DOK6: variants seen among roughly 807,000 people sequenced by gnomAD.
The protein encoded by DOK6 is docking protein 6, also known as downstream of tyrosine kinase 6.
A neutral mutation model predicts 44.0 loss-of-function variants in DOK6; 22 were observed. The observed-to-expected ratio is 0.50, with a 90% confidence interval of 0.36 to 0.71. DOK6 has a LOEUF of 0.71. DOK6 is among the 30% of genes least tolerant of loss of function. DOK6 has a pLI of 0.00. For synonymous variants in DOK6, 166 were observed against 145.5 expected (o/e 1.14, Z -1.01); for missense variants, 340 against 416.4 (o/e 0.82, Z 1.60).
In DOK6 at chr18:69,845,338, CAT is replaced by C. The variant is rs760977086; in HGVS notation, c.*3956_*3957del. On this transcript the variant is annotated 3_prime_UTR_variant, in exon 8 of 8. Coordinates refer to ENST00000382713, the MANE Select transcript of DOK6 (RefSeq NM_152721.6). ...AAGACTGCACAAAGAGAAAATTATACATGTTTCTCCAATCCTGTGATCATGTC... is the reference window on the plus strand; with the variant it reads ...AAGACTGCACAAAGAGAAAATTATACGTTTCTCCAATCCTGTGATCATGTC... The C allele has an allele frequency of 7.2e-5, 11 of 152,206 alleles. No homozygotes were observed. Among genetic ancestry groups the C allele is most frequent in the Admixed American group, 2.6e-4 (4 of 15,284 alleles). The allele number at this position is 152,206 out of a possible 1,614,324, so 9.4% of individuals were successfully genotyped here. A position where few individuals can be genotyped will look rare whatever the true frequency, so the allele number is the denominator to read the frequency against.
intron 1 of DOK6, among the ~76,000 whole-genome samples, chr18:69,472,220 T>C (rs1980133012): frequency 1.3e-5 from 2 of 152,300 alleles, no homozygotes; most frequent in South Asian, 4.1e-4. Context: ...TAAAGAGATA[T>C]AATAAAAACA....
intron 5 of DOK6, among the ~76,000 whole-genome samples, chr18:69,728,427 A>C (rs571541434): frequency 6.6e-6 from 1 of 152,342 alleles, no homozygotes; most frequent in African/African-American, 2.4e-5. Context: ...TGACTTAATC[A>C]TCTAGATTTG....
intron 5 of DOK6, among the ~76,000 whole-genome samples, chr18:69,712,207 G>A (rs1459484130): frequency 2.9e-5 from 4 of 136,770 alleles, no homozygotes; most frequent in Non-Finnish European, 4.7e-5. Context: ...CGTGAATCCG[G>A]GAGGCAGAGC....
At chr18:69,754,153 A>G (rs1180911792) in intron 6 of DOK6, among the ~76,000 whole-genome samples, 1 of 152,068 alleles carries the variant, frequency 6.6e-6, no homozygotes, top group Non-Finnish European at 1.5e-5. Flanking sequence ...GAAAATAGTT[A>G]AGGATGAGTT....
intron 2 of DOK6, among the ~76,000 whole-genome samples, chr18:69,595,646 C>G (rs1330747436): frequency 6.6e-6 from 1 of 152,120 alleles, no homozygotes; most frequent in African/African-American, 2.4e-5. Flanking sequence ...TCATGTTTCT[C>G]TGATAGGAGT....
At chr18:69,432,778 A>C (rs1978844160) in intron 1 of DOK6, among the ~76,000 whole-genome samples, 1 of 152,238 alleles carries the variant, frequency 6.6e-6, no homozygotes, top group African/African-American at 2.4e-5. Context: ...ATGAAAGAAA[A>C]TACAATTTTA....
intron 1 of DOK6, among the ~76,000 whole-genome samples, chr18:69,507,045 G>C (rs946093965): frequency 1.3e-5 from 2 of 151,608 alleles, no homozygotes; most frequent in Admixed American, 6.6e-5. Flanking sequence ...TGTTTTGTTT[G>C]AGACAGAGTC....
At chr18:69,606,344 T>C (rs1983996235) in intron 3 of DOK6, among the ~76,000 whole-genome samples, 1 of 151,700 alleles carries the variant, frequency 6.6e-6, no homozygotes, top group African/African-American at 2.4e-5. Context: ...CAAGGAATTC[T>C]AAAATTATAT....
intron 1 of DOK6, among the ~76,000 whole-genome samples, chr18:69,456,275 A>G (rs576810938): frequency 1.3e-5 from 2 of 152,114 alleles, no homozygotes; most frequent in Non-Finnish European, 2.9e-5. Flanking sequence ...TAGTGAGCAT[A>G]GTACCCAATA....
chr18:69,668,048 TG>T (rs1331863536), intron 3 of DOK6, among the ~76,000 whole-genome samples: 1 of 152,192 alleles, frequency 6.6e-6, no homozygotes. Context: ...TCTCACTACA[TG>T]ATAAATCCAT....
intron 2 of DOK6, among the ~76,000 whole-genome samples, chr18:69,583,579 G>A (rs187432563): frequency 6.6e-6 from 1 of 152,172 alleles, no homozygotes; most frequent in Admixed American, 6.5e-5. Context: ...TTGAGCTGCT[G>A]TAGTTTACTT....
intron 7 of DOK6, among the ~76,000 whole-genome samples, chr18:69,774,801 A>G (rs1446572814): frequency 6.6e-6 from 1 of 152,072 alleles, no homozygotes; most frequent in Non-Finnish European, 1.5e-5. Context: ...TGAGGTAAAT[A>G]TACAATAACT....
chr18:69,544,663 A>G (rs1211267407), intron 1 of DOK6, among the ~76,000 whole-genome samples: 1 of 151,506 alleles, frequency 6.6e-6, no homozygotes, highest in East Asian at 1.9e-4. Context: ...TCTTGGCATG[A>G]TCAAACCCTA....
chr18:69,519,482 T>C (rs184810451), intron 1 of DOK6, among the ~76,000 whole-genome samples: 1 of 152,014 alleles, frequency 6.6e-6, no homozygotes, highest in East Asian at 1.9e-4. Flanking sequence ...AATATGAAAA[T>C]ATCTAAATAA....
chr18:69,661,293 G>C (rs1985519717), intron 3 of DOK6: 2 of 152,096 alleles, frequency 1.3e-5, no homozygotes, highest in South Asian at 4.1e-4. Context: ...GATCTCTCTG[G>C]GTCTTTTATA....
chr18:69,436,828 C>G (rs776867568), intron 1 of DOK6, among the ~76,000 whole-genome samples: 2 of 152,140 alleles, frequency 1.3e-5, no homozygotes, highest in Non-Finnish European at 2.9e-5. Flanking sequence ...TCTGTTGTTT[C>G]CTGACTTTTT....
chr18:69,698,674 G>A, intron 5 of DOK6, 81 bp downstream of exon 5: 1 of 1,382,536 alleles, frequency 7.2e-7, no homozygotes, highest in Non-Finnish European at 9.7e-7. Context: ...AGAGAGTGCT[G>A]TCCATCATTG....
intron 1 of DOK6, 145 bp from the exon 2 acceptor site, chr18:69,564,342 C>G (rs1982917742): frequency 4.6e-6 from 3 of 653,546 alleles, no homozygotes; most frequent in Non-Finnish European, 7.6e-6. Flanking sequence ...TTTAAAAATA[C>G]TGTAATCTTA....
intron 1 of DOK6, among the ~76,000 whole-genome samples, chr18:69,434,978 A>G (rs1383512073): frequency 2.1e-5 from 3 of 141,940 alleles, no homozygotes; most frequent in African/African-American, 7.7e-5. Context: ...GAAGGAAGGA[A>G]GGAAAGAAGG....
Sources: allele counts gnomAD v4.1 joint callset (sites outside exome capture counted in the v4.1 genomes callset), GRCh38; gene constraint gnomAD v4.1.1; transcripts MANE v1.5; gene names NCBI Gene and HGNC (gene_info 2026-07-23, HGNC 2026-07-21).